DOCK1: variants seen among roughly 807,000 people sequenced by gnomAD.
DOCK1 encodes the protein dedicator of cytokinesis 1.
Under a neutral mutation model 262.7 loss-of-function variants are expected in DOCK1, and 138 were observed. That is an observed-to-expected ratio of 0.53 (90% CI 0.46 to 0.61). DOCK1 has a LOEUF of 0.61. DOCK1 is among the 20% of genes least tolerant of loss of function. The pLI, the probability that DOCK1 is intolerant of heterozygous loss-of-function variation, is 0.00. For missense variants in DOCK1, 1,908 were observed against 2,370.7 expected, an observed-to-expected ratio of 0.80 and a Z score of 4.05; for synonymous variants, 866 against 867.4, an observed-to-expected ratio of 1.00 and a Z score of 0.03.
intron 23 of DOCK1, among the ~76,000 whole-genome samples, chr10:127,094,085 A>G (rs1227474267): frequency 2.0e-5 from 3 of 152,076 alleles, no homozygotes; most frequent in South Asian, 2.1e-4. Flanking sequence ...TCCCAGCTAC[A>G]TGGGAGGCTG....
intron 1 of DOCK1, among the ~76,000 whole-genome samples, chr10:126,906,479 G>A (rs12359147): frequency 0.083 from 12,664 of 152,216 alleles, 731 homozygotes; most frequent in East Asian, 0.23. Context: ...TCCCGGGTCC[G>A]GGATCTTCCC....
intron 25 of DOCK1, among the ~76,000 whole-genome samples, chr10:127,112,580 G>A (rs1335368027): frequency 6.6e-6 from 1 of 152,146 alleles, no homozygotes; most frequent in Non-Finnish European, 1.5e-5. Context: ...GTAATATTTT[G>A]AAATAATTAA....
chr10:127,005,747 TA>T (rs1160996186), intron 10 of DOCK1, among the ~76,000 whole-genome samples: 5 of 152,210 alleles, frequency 3.3e-5, no homozygotes, highest in South Asian at 2.1e-4. Flanking sequence ...GTTTCCAAAT[TA>T]TTTTTTCTGT....
intron 23 of DOCK1, among the ~76,000 whole-genome samples, chr10:127,082,638 A>C (rs10219069): frequency 0.24 from 36,030 of 151,750 alleles, 6,093 homozygotes; most frequent in African/African-American, 0.48. Flanking sequence ...AGCTACAATT[A>C]AAGATGCAAT....
At chr10:126,986,512 A>T (rs956094246) in intron 4 of DOCK1, among the ~76,000 whole-genome samples, 1 of 152,230 alleles carries the variant, frequency 6.6e-6, no homozygotes. Flanking sequence ...CCTAACCCTC[A>T]GTAGTCTGAG....
chr10:127,397,495 A>G (rs11017851), intron 38 of DOCK1, among the ~76,000 whole-genome samples: 11,019 of 70,760 alleles, frequency 0.16, 657 homozygotes, highest in Middle Eastern at 0.28. Context: ...CACGGGCAGC[A>G]ACTCCTATGT....
intron 32 of DOCK1, among the ~76,000 whole-genome samples, chr10:127,357,178 C>T (rs542463506): frequency 2.6e-5 from 4 of 152,286 alleles, no homozygotes; most frequent in South Asian, 2.1e-4. Context: ...AAACTCAGCT[C>T]GAGCCACAGC....
chr10:127,191,570 C>T (rs1374116961), intron 27 of DOCK1, among the ~76,000 whole-genome samples: 1 of 152,048 alleles, frequency 6.6e-6, no homozygotes, highest in East Asian at 1.9e-4. Context: ...ACTAAGTACA[C>T]ATAGAAAAGA....
chr10:127,146,222 A>G (rs980892921), intron 27 of DOCK1: 12 of 266,562 alleles, frequency 4.5e-5, no homozygotes, highest in South Asian at 4.2e-4. Context: ...AAAGGCTGGG[A>G]CTATCAGTAT....
intron 27 of DOCK1, among the ~76,000 whole-genome samples, chr10:127,180,174 C>G (rs2055593138): frequency 6.6e-6 from 1 of 152,234 alleles, no homozygotes; most frequent in Non-Finnish European, 1.5e-5. Context: ...ATGCCCTTGT[C>G]TTGTTCCCAC....
At chr10:127,210,340 T>G (rs1030439416) in intron 27 of DOCK1, among the ~76,000 whole-genome samples, 3 of 152,086 alleles carry the variant, frequency 2.0e-5, no homozygotes, top group Non-Finnish European at 2.9e-5. Context: ...ACGGAAGCTG[T>G]GGAGAGCCAC....
chr10:127,179,907 A>T (rs2055563240), intron 27 of DOCK1, among the ~76,000 whole-genome samples: 1 of 152,186 alleles, frequency 6.6e-6, no homozygotes, highest in Non-Finnish European at 1.5e-5. Flanking sequence ...TGTTTTCTAG[A>T]TTTGATCCTC....
At chr10:127,199,906 T>A (rs2134219604) in intron 27 of DOCK1, among the ~76,000 whole-genome samples, 1 of 152,292 alleles carries the variant, frequency 6.6e-6, no homozygotes, top group Non-Finnish European at 1.5e-5. Flanking sequence ...TATCTGTCAG[T>A]GTGATTAACC....
chr10:126,949,393 C>T (rs1483688578), intron 1 of DOCK1, among the ~76,000 whole-genome samples: 12 of 152,096 alleles, frequency 7.9e-5, no homozygotes, highest in Non-Finnish European at 1.5e-4. Flanking sequence ...CCCACGTGTC[C>T]CTTCAGCCCT....
intron 1 of DOCK1, among the ~76,000 whole-genome samples, chr10:126,948,877 G>T (rs1481560934): frequency 6.6e-6 from 1 of 152,110 alleles, no homozygotes; most frequent in Non-Finnish European, 1.5e-5. Flanking sequence ...TGCTGGGCCT[G>T]GCCCAGGGTA....
chr10:127,157,370 A>G (rs1164764048), intron 27 of DOCK1, among the ~76,000 whole-genome samples: 1 of 152,254 alleles, frequency 6.6e-6, no homozygotes, highest in Non-Finnish European at 1.5e-5. Context: ...GAGAGTGGGG[A>G]GAGATGAGGA....
At chr10:127,449,433 TATTGTCTCAATTTCTTGGATACACC>T (rs1171586025) in intron 51 of DOCK1, among the ~76,000 whole-genome samples, 1 of 152,250 alleles carries the variant, frequency 6.6e-6, no homozygotes, top group East Asian at 1.9e-4. Context: ...GGTAACATTT[TATTGTCTCAATTTCTTGGATACACC>T]ATTGTGGGTT....
At chr10:127,004,788 A>G (rs1244262530) in intron 10 of DOCK1, among the ~76,000 whole-genome samples, 2 of 71,198 alleles carry the variant, frequency 2.8e-5, no homozygotes, top group Non-Finnish European at 5.3e-5. Context: ...CCGCCCCAAA[A>G]AAAAGAAAAA....
At chr10:127,016,728 ACACAC>A (rs1707179425) in intron 12 of DOCK1, 1 of 123,394 alleles carries the variant, frequency 8.1e-6, no homozygotes, top group African/African-American at 3.3e-5. Context: ...ATACACACAC[ACACAC>A]CACACACACA....
Sources: gnomAD v4.1 joint callset for allele counts (sites outside exome capture counted in the v4.1 genomes callset) on GRCh38, gnomAD v4.1.1 for gene constraint, MANE v1.5 for transcripts, NCBI Gene and HGNC (gene_info 2026-07-23, HGNC 2026-07-21) for gene names.